FSD2: variants seen among roughly 807,000 people sequenced by gnomAD.
FSD2 encodes the protein fibronectin type III and SPRY domain containing 2, also known as fibronectin type III and SPRY domain-containing protein 2.
In FSD2, 71 loss-of-function variants were observed where a neutral mutation model predicts 80.4. The observed-to-expected ratio is 0.88, with a 90% confidence interval of 0.73 to 1.08. FSD2 has a LOEUF of 1.08. Among genes scored for constraint, FSD2 ranks in the 50% least tolerant of loss-of-function variants. FSD2 has a pLI of 0.00. For missense variants in FSD2, 923 were observed against 913.8 expected, an observed-to-expected ratio of 1.01 and a Z score of -0.13; for synonymous variants, 361 against 329.5, an observed-to-expected ratio of 1.10 and a Z score of -1.03.
intron 6 of FSD2, among the ~76,000 whole-genome samples, chr15:82,777,074 T>C (rs926104962): frequency 6.6e-6 from 1 of 152,172 alleles, no homozygotes; most frequent in Non-Finnish European, 1.5e-5. Context: ...AAACTCAAAA[T>C]AGATTATTAA....
At chr15:82,797,827 T>C (rs1175527089) in intron 1 of FSD2, among the ~76,000 whole-genome samples, 1 of 151,566 alleles carries the variant, frequency 6.6e-6, no homozygotes. Context: ...ACAATAATAA[T>C]TATTATTATT....
intron 12 of FSD2, among the ~76,000 whole-genome samples, chr15:82,761,491 G>A (rs921629462): frequency 1.3e-5 from 2 of 152,052 alleles, no homozygotes; most frequent in African/African-American, 4.8e-5. Flanking sequence ...AAAGCAAACT[G>A]TATTGGCTTA....
intron 3 of FSD2, 27 bp from the exon 4 acceptor site, chr15:82,783,052 A>C (rs1204374453): frequency 6.7e-7 from 1 of 1,481,522 alleles, no homozygotes; most frequent in South Asian, 1.2e-5. Flanking sequence ...CTCAGTCATC[A>C]TTTCAGCGCA....
intron 5 of FSD2, among the ~76,000 whole-genome samples, chr15:82,779,534 G>A (rs2049802344): frequency 6.6e-6 from 1 of 151,912 alleles, no homozygotes; most frequent in South Asian, 2.1e-4. Context: ...AGGATGGTGG[G>A]GGACACCTGT....
chr15:82,772,581 T>A (rs1274297573), intron 6 of FSD2, among the ~76,000 whole-genome samples: 14 of 152,176 alleles, frequency 9.2e-5, no homozygotes, highest in Non-Finnish European at 5.9e-5. Context: ...CACTGCTGCC[T>A]CAGCAGAGAC....
At chr15:82,790,188 C>T (rs933162263) in intron 1 of FSD2, among the ~76,000 whole-genome samples, 1 of 102,602 alleles carries the variant, frequency 9.7e-6, no homozygotes, top group African/African-American at 3.5e-5. Context: ...ACAACAACAA[C>T]GACAACAACA....
chr15:82,805,808 G>A (rs932875815), intron 1 of FSD2, among the ~76,000 whole-genome samples, 158 bp downstream of exon 1: 1 of 152,162 alleles, frequency 6.6e-6, no homozygotes, highest in Admixed American at 6.5e-5. Flanking sequence ...CTTTAAGAAG[G>A]CACAGAAAAC....
intron 1 of FSD2, 92 bp from the exon 2 acceptor site, chr15:82,787,560 A>G (rs2050033256): frequency 1.7e-6 from 1 of 584,238 alleles, no homozygotes; most frequent in African/African-American, 1.9e-5. Context: ...TAAAACTTTA[A>G]AAAAATTATC....
chr15:82,793,169 C>T (rs1202859383), intron 1 of FSD2, among the ~76,000 whole-genome samples: 2 of 152,064 alleles, frequency 1.3e-5, no homozygotes, highest in African/African-American at 2.4e-5. Context: ...AATCTCGGCT[C>T]ACTGCAACCT....
At position 82,787,219 on chromosome 15, in the gene FSD2, C is replaced by T. The variant is rs1323941441; in HGVS notation, c.172G>A (p.Ala58Thr). The T allele has an allele frequency of 4.3e-6, 7 of 1,613,980 alleles. No homozygotes were observed. Among genetic ancestry groups the T allele is most frequent in the Admixed American group, 1.7e-5 (1 of 60,018 alleles). Reference sequence around the variant, plus strand: ...TCTCTTTGAGCCTTACCATCCCCTGCTCCTCTTGACTCATTGGCCATTTCA... The same window carrying T: ...TCTCTTTGAGCCTTACCATCCCCTGTTCCTCTTGACTCATTGGCCATTTCA... The part of the protein sequence containing the change: ...QAEMANESRG[A>T]GDGKAQRDLQ... Residue 58 changes from alanine (A) to threonine (T), a missense_variant, in exon 2 of 13, where the codon GCA becomes ACA. Physicochemically the swap from Ala to Thr is moderately conservative, Grantham distance 58 (BLOSUM62 0). Coordinates refer to ENST00000334574, the MANE Select transcript of FSD2 (RefSeq NM_001007122.4).
intron 1 of FSD2, among the ~76,000 whole-genome samples, chr15:82,790,186 A>AATG (rs1344915314): frequency 1.0e-5 from 1 of 99,048 alleles, no homozygotes. Context: ...AAACAACAAC[A>AATG]ACGACAACAA....
intron 1 of FSD2, among the ~76,000 whole-genome samples, chr15:82,805,192 T>C (rs1211766863): frequency 3.4e-5 from 5 of 148,542 alleles, no homozygotes; most frequent in African/African-American, 2.5e-5. Flanking sequence ...TTGCCCAGAC[T>C]GGTCTTGAAC....
intron 12 of FSD2, among the ~76,000 whole-genome samples, chr15:82,761,224 C>T (rs1182606051): frequency 2.0e-5 from 3 of 152,002 alleles, no homozygotes; most frequent in Admixed American, 6.6e-5. Context: ...GGTCAGAGGC[C>T]CCATTTTACA....
Position 82,787,392 on chromosome 15 carries a change from G to A in FSD2, c.-2C>T. On this transcript the variant is annotated 5_prime_UTR_variant, in exon 2 of 13. Transcript: ENST00000334574. ...TTCCTCCCCCGATTCCTCCTCCATT[G>A]TAACTCTGGAAGTCCTCAGAAGCAC... is the stretch of plus-strand genomic sequence containing the variant. 6.3e-7 allele frequency: 1 copy of A among 1,598,682 alleles called. No homozygotes were observed. The highest frequency in any genetic ancestry group is 1.1e-5 in the South Asian group (1 of 88,250).
rs1381540526 is a variant in FSD2 at position 82,800,876 on chromosome 15, CCTT to C, written c.-79+5087_-79+5089del. On this transcript the variant is annotated intron_variant, in intron 1 of 12. Coordinates refer to ENST00000334574, the MANE Select transcript of FSD2 (RefSeq NM_001007122.4). ...ATTTAAACTCCAACCTATAGTTACCCCTTCTTCATTTTAATGCTAAAAATCACC... is the reference window on the plus strand; with the variant it reads ...ATTTAAACTCCAACCTATAGTTACCCCTTCATTTTAATGCTAAAAATCACC... Among the ~76,000 whole-genome samples the C allele has an allele frequency of 2.6e-5, 4 of 152,016 alleles. No homozygotes were observed. The East Asian group carries it at 7.7e-4, about 29-fold the overall frequency.
intron 3 of FSD2, among the ~76,000 whole-genome samples, chr15:82,784,765 C>T (rs1403697401): frequency 6.6e-6 from 1 of 152,104 alleles, no homozygotes; most frequent in African/African-American, 2.4e-5. Flanking sequence ...TTGGTACCAT[C>T]CGAAGCTGCA....
chr15:82,781,915 T>C (rs1046200244), intron 4 of FSD2, among the ~76,000 whole-genome samples: 2 of 150,328 alleles, frequency 1.3e-5, no homozygotes, highest in Non-Finnish European at 3.0e-5. Context: ...AATACAAAAA[T>C]TAGCTGGGCG....
intron 1 of FSD2, among the ~76,000 whole-genome samples, chr15:82,794,981 C>T (rs2050230833): frequency 6.6e-6 from 1 of 152,076 alleles, no homozygotes; most frequent in Admixed American, 6.6e-5. Flanking sequence ...GCCTGGGCCT[C>T]CCAAAGTGCT....
chr15:82,786,108 A>G (rs1404747760), intron 3 of FSD2, among the ~76,000 whole-genome samples: 2 of 152,148 alleles, frequency 1.3e-5, no homozygotes, highest in Non-Finnish European at 2.9e-5. Flanking sequence ...AATCACATAC[A>G]ATTGGTGATT....
Sources: gnomAD v4.1 joint callset for allele counts (sites outside exome capture counted in the v4.1 genomes callset) on GRCh38, gnomAD v4.1.1 for gene constraint, MANE v1.5 for transcripts, NCBI Gene and HGNC (gene_info 2026-07-23, HGNC 2026-07-21) for gene names.